The following CDK13 variants were observed in gnomAD, a reference collection of about 807,000 sequenced individuals.
The protein encoded by CDK13 is cyclin-dependent kinase 13.
Under a neutral mutation model 137.6 loss-of-function variants are expected in CDK13, and 40 were observed. The ratio of observed to expected loss-of-function variants is 0.29; its 90% CI spans 0.23 to 0.38. The LOEUF (loss-of-function observed/expected upper bound fraction) is 0.38. CDK13 is among the 10% of genes least tolerant of loss of function. The pLI is 1.00. For missense variants in CDK13, 1,704 were observed against 1,951.8 expected (o/e 0.87, Z 2.39); for synonymous variants, 869 against 760.1 (o/e 1.14, Z -2.36).
intron 1 of CDK13, among the ~76,000 whole-genome samples, chr7:39,968,478 G>A (rs1278872025): frequency 6.6e-6 from 1 of 152,164 alleles, no homozygotes; most frequent in East Asian, 1.9e-4. Context: ...GGTTCAAGCA[G>A]TCCTCCCGCC....
chr7:40,055,802 G>T (rs751733697), intron 7 of CDK13, among the ~76,000 whole-genome samples: 36 of 151,896 alleles, frequency 2.4e-4, no homozygotes, highest in Non-Finnish European at 3.7e-4. Flanking sequence ...GGCTGGTTCC[G>T]AACTCCTGGG....
chr7:40,035,519 A>G (rs990476219), intron 5 of CDK13, among the ~76,000 whole-genome samples: 3 of 152,158 alleles, frequency 2.0e-5, no homozygotes, highest in Non-Finnish European at 4.4e-5. Flanking sequence ...CACAAACCCT[A>G]TTGTGAACTG....
At chr7:40,009,520 A>C (rs140819478) in intron 5 of CDK13, among the ~76,000 whole-genome samples, 19 of 152,348 alleles carry the variant, frequency 1.2e-4, no homozygotes, top group Middle Eastern at 3.4e-3. Context: ...TGTTGCATCA[A>C]TCCTAGCAGT....
At chr7:40,055,742 C>G (rs1411243819) in intron 7 of CDK13, among the ~76,000 whole-genome samples, 3 of 151,684 alleles carry the variant, frequency 2.0e-5, no homozygotes, top group Non-Finnish European at 2.9e-5. Flanking sequence ...TGATACCTGG[C>G]TAATTTGTTT....
intron 5 of CDK13, among the ~76,000 whole-genome samples, chr7:40,028,957 CAG>C (rs1202435568): frequency 1.3e-5 from 2 of 151,696 alleles, no homozygotes; most frequent in African/African-American, 4.8e-5. Flanking sequence ...AAAAGGAAAA[CAG>C]AAATGGAAAA....
chr7:39,952,053 G>A, intron 1 of CDK13: 1 of 428,366 alleles, frequency 2.3e-6, no homozygotes, highest in East Asian at 3.6e-5. Flanking sequence ...AAGCAACTGG[G>A]CGAAGGGAAC....
In CDK13 at chr7:39,992,115, A is replaced by G. The variant is rs867292664; in HGVS notation, c.1871+3857A>G. Among the ~76,000 whole-genome samples the G allele has an allele frequency of 5.3e-3, 602 of 113,774 alleles. 5 individuals are homozygous for G. Among genetic ancestry groups the G allele is most frequent in the African/African-American group, 0.038 (580 of 15,172 alleles). 74.6% of individuals were successfully genotyped at this position (113,774 alleles called of 152,430 possible). A position where few individuals can be genotyped will look rare whatever the true frequency, so the allele number is the denominator to read the frequency against. On this transcript the variant is annotated intron_variant, in intron 2 of 13. Coordinates refer to ENST00000181839, the MANE Select transcript of CDK13 (RefSeq NM_003718.5). ...CACACACACACACACGCACACACACACACAAGCACACACGCTCCATCTCTA... is the reference window on the plus strand; with the variant it reads ...CACACACACACACACGCACACACACGCACAAGCACACACGCTCCATCTCTA...
chr7:40,051,811 C>G (rs1404216244), intron 7 of CDK13, among the ~76,000 whole-genome samples: 1 of 152,122 alleles, frequency 6.6e-6, no homozygotes, highest in South Asian at 2.1e-4. Flanking sequence ...AAGAGAACCA[C>G]TGGATTAAAA....
chr7:39,981,886 G>A (rs1414846517), intron 1 of CDK13, among the ~76,000 whole-genome samples: 1 of 150,984 alleles, frequency 6.6e-6, no homozygotes, highest in Non-Finnish European at 1.5e-5. Context: ...CTGCCTCCCG[G>A]GTTCATGCCA....
At chr7:40,015,449 A>G (rs1284969145) in intron 5 of CDK13, among the ~76,000 whole-genome samples, 1 of 151,978 alleles carries the variant, frequency 6.6e-6, no homozygotes, top group East Asian at 1.9e-4. Flanking sequence ...AGAATCCTAT[A>G]CTCTGTTTTC....
chr7:39,992,721 A>C (rs1784490188), intron 2 of CDK13, among the ~76,000 whole-genome samples: 1 of 151,710 alleles, frequency 6.6e-6, no homozygotes, highest in African/African-American at 2.4e-5. Context: ...CTAGGCCAGT[A>C]ATCTTACAGA....
chr7:39,993,890 C>T (rs1784511413), intron 2 of CDK13, among the ~76,000 whole-genome samples: 1 of 152,040 alleles, frequency 6.6e-6, no homozygotes, highest in Non-Finnish European at 1.5e-5. Context: ...ACAATTTATG[C>T]ACCCAGATGT....
At chr7:40,035,656 A>T (rs930232502) in intron 5 of CDK13, among the ~76,000 whole-genome samples, 5 of 151,980 alleles carry the variant, frequency 3.3e-5, no homozygotes, top group African/African-American at 1.2e-4. Context: ...GCCCCCACTG[A>T]TTGTACATTA....
intron 2 of CDK13, among the ~76,000 whole-genome samples, chr7:39,993,774 TA>T (rs1470242339): frequency 6.6e-6 from 1 of 152,098 alleles, no homozygotes; most frequent in Non-Finnish European, 1.5e-5. Flanking sequence ...TATATATTAA[TA>T]TTTTGTGTAT....
chr7:39,958,918 CT>C lies in CDK13; in HGVS notation c.1211+7068del, dbSNP rs1787513965. ...ACCCATTTCCTGAGTCTCACCAACA[CT>C]TGGAGTTGTCACATATTCCATTATT... On this transcript the variant is annotated intron_variant, in intron 1 of 13. Transcript: ENST00000181839. 2.0e-5 allele frequency among the ~76,000 whole-genome samples: 3 copies of C among 152,104 alleles called. No homozygotes were observed. In the South Asian group the frequency reaches 6.2e-4, roughly 32 times the overall value.
chr7:39,991,862 G>A lies in CDK13; in HGVS notation c.1871+3604G>A, dbSNP rs140357376. Among the ~76,000 whole-genome samples, 163 of 151,950 alleles carry A rather than the reference G, an allele frequency of 1.1e-3. No individual in the cohort carries two copies. The Middle Eastern group carries it at 0.014, about 13-fold the overall frequency. On this transcript the variant is annotated intron_variant, in intron 2 of 13. Coordinates refer to ENST00000181839, the MANE Select transcript of CDK13 (RefSeq NM_003718.5). ...AATCCAGGAGTTTGAGAGGAGCCTCGGCAACATGGTGAAACCCCATCTCTT... is the reference window on the plus strand; with the variant it reads ...AATCCAGGAGTTTGAGAGGAGCCTCAGCAACATGGTGAAACCCCATCTCTT...
intron 1 of CDK13, among the ~76,000 whole-genome samples, chr7:39,966,774 G>A (rs1185331872): frequency 1.3e-5 from 2 of 152,134 alleles, no homozygotes; most frequent in African/African-American, 2.4e-5. Flanking sequence ...TGATGGTGAT[G>A]TACAGATGGG....
intron 9 of CDK13, among the ~76,000 whole-genome samples, chr7:40,063,536 C>A (rs189420996): frequency 2.6e-5 from 4 of 152,264 alleles, no homozygotes; most frequent in African/African-American, 9.6e-5. Flanking sequence ...TGTATACACA[C>A]TAAAATACAT....
At chr7:40,027,316 C>T (rs1382757105) in intron 5 of CDK13, among the ~76,000 whole-genome samples, 2 of 152,192 alleles carry the variant, frequency 1.3e-5, no homozygotes, top group Admixed American at 1.3e-4. Context: ...GCACTCCAGC[C>T]TAGATGACAG....
Sources: gnomAD v4.1 joint callset for allele counts (sites outside exome capture counted in the v4.1 genomes callset) on GRCh38, gnomAD v4.1.1 for gene constraint, MANE v1.5 for transcripts, NCBI Gene and HGNC (gene_info 2026-07-23, HGNC 2026-07-21) for gene names.